The following SLC35F1 variants were observed in gnomAD, a reference collection of about 807,000 sequenced individuals.
SLC35F1 encodes the protein chromosome 6 open reading frame 169.
Under a neutral mutation model 48.7 loss-of-function variants are expected in SLC35F1, and 14 were observed. The observed-to-expected ratio is 0.29, with a 90% CI of 0.19 to 0.45. The LOEUF (loss-of-function observed/expected upper bound fraction) is 0.45. Among genes scored for constraint, SLC35F1 ranks in the 20% least tolerant of loss-of-function variants. The pLI is 1.00. For synonymous variants in SLC35F1, 190 were observed against 202.2 expected (o/e 0.94, Z 0.51); for missense variants, 404 against 500.0 (o/e 0.81, Z 1.83).
chr6:118,076,873 C>T (rs1025047692), intron 1 of SLC35F1, among the ~76,000 whole-genome samples: 11 of 151,904 alleles, frequency 7.2e-5, no homozygotes, highest in African/African-American at 2.2e-4. Flanking sequence ...TAGGCTTAGA[C>T]GCTTTACCAT....
intron 1 of SLC35F1, among the ~76,000 whole-genome samples, chr6:118,001,947 A>C (rs2114868202): frequency 1.3e-5 from 2 of 149,194 alleles, no homozygotes; most frequent in Non-Finnish European, 3.0e-5. Context: ...AAAGTCAGGA[A>C]ACAACAGGTG....
At chr6:118,216,647 T>C (rs78688183) in intron 2 of SLC35F1, among the ~76,000 whole-genome samples, 8,264 of 152,254 alleles carry the variant, frequency 0.054, 322 homozygotes, top group African/African-American at 0.11. Flanking sequence ...TATTTATTAA[T>C]TGTCAATAAT....
In SLC35F1 at chr6:118,275,710, A is replaced by T; in HGVS notation, c.794+95A>T. ...TTGGGATGTAAAAATCAAGGCTGGA[A>T]TCCAGACACCAGCTTCCTGTACAAA... On this transcript the variant is annotated intron_variant, in intron 5 of 7. Coordinates refer to ENST00000360388, the MANE Select transcript of SLC35F1 (RefSeq NM_001029858.4). 1.7e-6 allele frequency: 2 copies of T among 1,186,356 alleles called. 1 individual carries two copies. Among genetic ancestry groups the T allele is most frequent in the South Asian group, 3.0e-5 (2 of 66,964 alleles). 73.5% of individuals were successfully genotyped at this position (1,186,356 alleles called of 1,614,324 possible).
chr6:118,233,074 T>C (rs912629803), intron 2 of SLC35F1, among the ~76,000 whole-genome samples: 1 of 152,068 alleles, frequency 6.6e-6, no homozygotes, highest in Non-Finnish European at 1.5e-5. Context: ...CAAGTGATTC[T>C]CCTGCCTCAA....
chr6:118,009,155 C>G (rs1299391210), intron 1 of SLC35F1, among the ~76,000 whole-genome samples: 1 of 152,088 alleles, frequency 6.6e-6, no homozygotes, highest in Non-Finnish European at 1.5e-5. Context: ...TTGCTGGGTG[C>G]CTGCCACGTG....
intron 2 of SLC35F1, among the ~76,000 whole-genome samples, chr6:118,225,942 T>C (rs1212654293): frequency 1.4e-5 from 1 of 69,180 alleles, no homozygotes; most frequent in East Asian, 4.7e-4. Flanking sequence ...ACCCACAAAG[T>C]GGGAGAAAAT....
intron 1 of SLC35F1, among the ~76,000 whole-genome samples, chr6:118,090,734 G>T (rs563390384): frequency 1.7e-3 from 258 of 152,280 alleles, no homozygotes; most frequent in African/African-American, 6.0e-3. Context: ...TTAACTCTGT[G>T]AGAAATCAGT....
intron 6 of SLC35F1, 99 bp downstream of exon 6, chr6:118,277,645 A>G: frequency 1.9e-6 from 2 of 1,026,434 alleles, no homozygotes; most frequent in Non-Finnish European, 3.1e-6. Context: ...GAGGGGATTT[A>G]GAGTGGTAGG....
chr6:118,212,399 T>C (rs1775010927), intron 2 of SLC35F1, among the ~76,000 whole-genome samples: 1 of 152,102 alleles, frequency 6.6e-6, no homozygotes, highest in Non-Finnish European at 1.5e-5. Context: ...GATTCAGAAA[T>C]AATCATATAG....
chr6:118,250,242 A>G (rs1562339418), intron 3 of SLC35F1, among the ~76,000 whole-genome samples: 1 of 152,166 alleles, frequency 6.6e-6, no homozygotes, highest in Non-Finnish European at 1.5e-5. Context: ...CATAGTTCTT[A>G]TCACCACTGA....
chr6:118,249,342 TA>T (rs1395706917), intron 3 of SLC35F1, among the ~76,000 whole-genome samples: 1 of 152,184 alleles, frequency 6.6e-6, no homozygotes, highest in African/African-American at 2.4e-5. Context: ...TTGTGGTTAC[TA>T]AGGTGCCAAT....
chr6:118,155,810 G>C (rs1297114714), intron 2 of SLC35F1, among the ~76,000 whole-genome samples: 1 of 151,926 alleles, frequency 6.6e-6, no homozygotes, highest in Non-Finnish European at 1.5e-5. Flanking sequence ...TAATAGATAA[G>C]GACACATGTA....
chr6:117,953,813 G>T (rs1304373715), intron 1 of SLC35F1, among the ~76,000 whole-genome samples: 1 of 152,140 alleles, frequency 6.6e-6, no homozygotes, highest in East Asian at 1.9e-4. Flanking sequence ...CTAAGTAGGT[G>T]GGTAACCTGC....
chr6:118,240,921 G>T (rs574826369), intron 3 of SLC35F1, among the ~76,000 whole-genome samples: 1 of 152,184 alleles, frequency 6.6e-6, no homozygotes, highest in Non-Finnish European at 1.5e-5. Context: ...GGTCTGGGTG[G>T]CCATTTCAAG....
intron 2 of SLC35F1, among the ~76,000 whole-genome samples, chr6:118,200,478 G>A (rs889877645): frequency 2.6e-5 from 4 of 152,124 alleles, no homozygotes; most frequent in African/African-American, 9.7e-5. Flanking sequence ...CCAGGTTCCT[G>A]GTTGCTGAAA....
At chr6:118,289,209 A>G (rs1776088057) in intron 7 of SLC35F1, among the ~76,000 whole-genome samples, 1 of 152,222 alleles carries the variant, frequency 6.6e-6, no homozygotes, top group African/African-American at 2.4e-5. Flanking sequence ...GAAGTTGTCC[A>G]TGGTGTGGAT....
intron 1 of SLC35F1, among the ~76,000 whole-genome samples, chr6:118,135,605 C>T (rs1452288018): frequency 6.6e-6 from 1 of 152,212 alleles, no homozygotes; most frequent in African/African-American, 2.4e-5. Flanking sequence ...CTCCACAGTC[C>T]AGTTGGATCT....
At chr6:117,999,664 G>T (rs1430665141) in intron 1 of SLC35F1, among the ~76,000 whole-genome samples, 5 of 151,902 alleles carry the variant, frequency 3.3e-5, no homozygotes, top group African/African-American at 1.2e-4. Flanking sequence ...CCAGGAGCTG[G>T]TTTTTTGAAA....
rs148049632 is a variant in SLC35F1, at chr6:118,088,774, A to C, written c.174-65671A>C. On this transcript the variant is annotated intron_variant, in intron 1 of 7. Coordinates refer to ENST00000360388, the MANE Select transcript of SLC35F1 (RefSeq NM_001029858.4). Reference sequence around the variant, plus strand: ...CAGACTGATCAAGTCTTATCATGCCATGCATCATTGCATAAAGATGTGTTA... The same window carrying C: ...CAGACTGATCAAGTCTTATCATGCCCTGCATCATTGCATAAAGATGTGTTA... Among the ~76,000 whole-genome samples the C allele has an allele frequency of 3.3e-5, 5 of 152,296 alleles. No individual in the cohort carries two copies. In the East Asian group the frequency reaches 9.7e-4, roughly 29 times the overall value.
Sources: gnomAD v4.1 joint callset for allele counts (sites outside exome capture counted in the v4.1 genomes callset) on GRCh38, gnomAD v4.1.1 for gene constraint, MANE v1.5 for transcripts, NCBI Gene and HGNC (gene_info 2026-07-23, HGNC 2026-07-21) for gene names.